ASIC2: variants seen among roughly 807,000 people sequenced by gnomAD.
ASIC2 encodes acid sensing ion channel subunit 2.
A neutral mutation model predicts 57.3 loss-of-function variants in ASIC2; 25 were observed. The observed-to-expected ratio is 0.44, with a 90% CI of 0.32 to 0.61. ASIC2 has a LOEUF of 0.61. Ranked by LOEUF, ASIC2 falls within the 20% of genes least tolerant of loss-of-function variation. The pLI, the probability that ASIC2 is intolerant of heterozygous loss-of-function variation, is 0.06. For synonymous variants in ASIC2, 319 were observed against 307.5 expected (o/e 1.04, Z -0.39); for missense variants, 641 against 738.1 (o/e 0.87, Z 1.52).
chr17:33,469,277 T>C (rs919362085), intron 1 of ASIC2, among the ~76,000 whole-genome samples: 6 of 152,066 alleles, frequency 3.9e-5, no homozygotes, highest in Admixed American at 3.9e-4. Context: ...TGTGTGGGCT[T>C]AGGCTAGGCG....
intron 1 of ASIC2, among the ~76,000 whole-genome samples, chr17:33,224,402 A>G (rs762804706): frequency 5.3e-5 from 8 of 152,232 alleles, no homozygotes; most frequent in Non-Finnish European, 1.2e-4. Context: ...AAGGTGGCAG[A>G]GAGGGGAGGA....
At chr17:33,732,917 C>T (rs1265609103) in intron 1 of ASIC2, among the ~76,000 whole-genome samples, 4 of 152,150 alleles carry the variant, frequency 2.6e-5, no homozygotes, top group Admixed American at 6.5e-5. Flanking sequence ...GGATTATAGG[C>T]GTGTGCCACC....
At chr17:33,309,823 C>G (rs1050593834) in intron 1 of ASIC2, among the ~76,000 whole-genome samples, 1 of 151,078 alleles carries the variant, frequency 6.6e-6, no homozygotes, top group African/African-American at 2.4e-5. Flanking sequence ...TTATTCTTGA[C>G]AGTAATCTTA....
At chr17:34,142,283 C>T (rs545031386) in intron 1 of ASIC2, among the ~76,000 whole-genome samples, 2 of 152,142 alleles carry the variant, frequency 1.3e-5, no homozygotes, top group Non-Finnish European at 2.9e-5. Flanking sequence ...TGCTATATCC[C>T]GTGAGGAAGG....
chr17:33,142,197 T>G (rs906514419), intron 1 of ASIC2, among the ~76,000 whole-genome samples: 1 of 152,176 alleles, frequency 6.6e-6, no homozygotes, highest in African/African-American at 2.4e-5. Context: ...AAGGTTTATC[T>G]TGGGAATGGG....
rs114205389 is a variant in ASIC2 at position 33,561,914 on chromosome 17, C to T, written c.556-449847G>A. 3.5e-3 allele frequency among the ~76,000 whole-genome samples: 531 copies of T among 152,312 alleles called. 5 individuals carry two copies. The highest frequency in any genetic ancestry group is 0.012 in the African/African-American group (499 of 41,566). ...ACCAAGGACTGTGTGCACAAGCATC[C>T]CTCTAGTGAGATCTTAAGATCTTGG... On this transcript the variant is annotated intron_variant, in intron 1 of 9. Transcript: ENST00000359872.
intron 1 of ASIC2, among the ~76,000 whole-genome samples, chr17:33,847,855 T>C (rs1913654421): frequency 6.6e-6 from 1 of 151,970 alleles, no homozygotes; most frequent in South Asian, 2.1e-4. Context: ...AGATCAAGTG[T>C]TAGGCAGGCA....
chr17:33,834,818 T>TA (rs1296012512), intron 1 of ASIC2, among the ~76,000 whole-genome samples: 2 of 152,154 alleles, frequency 1.3e-5, no homozygotes, highest in Non-Finnish European at 2.9e-5. Context: ...CCCAGAGGTG[T>TA]AAGAAGTTTC....
At chr17:34,012,569 T>C (rs911618800) in intron 1 of ASIC2, among the ~76,000 whole-genome samples, 1 of 152,192 alleles carries the variant, frequency 6.6e-6, no homozygotes, top group Non-Finnish European at 1.5e-5. Context: ...TGATGAGCCC[T>C]CTCAGCCTTT....
chr17:33,636,774 G>A (rs1906380835), intron 1 of ASIC2, among the ~76,000 whole-genome samples: 1 of 151,930 alleles, frequency 6.6e-6, no homozygotes, highest in South Asian at 2.1e-4. Context: ...ACACTTGCAT[G>A]GCAACACACC....
intron 1 of ASIC2, among the ~76,000 whole-genome samples, chr17:33,852,014 C>A (rs1021524107): frequency 1.3e-5 from 2 of 152,242 alleles, no homozygotes; most frequent in Non-Finnish European, 2.9e-5. Flanking sequence ...AGGGACCATT[C>A]CGTTCAGGCT....
chr17:33,856,633 C>T (rs1003675443), intron 1 of ASIC2, among the ~76,000 whole-genome samples: 2 of 54,618 alleles, frequency 3.7e-5, no homozygotes, highest in African/African-American at 9.3e-5. Flanking sequence ...GTTTCTACAC[C>T]GAGGGTTAGG....
chr17:33,177,296 G>A (rs775635028), intron 1 of ASIC2, among the ~76,000 whole-genome samples: 31 of 152,192 alleles, frequency 2.0e-4, no homozygotes, highest in Middle Eastern at 3.2e-3. Flanking sequence ...CCAGGAGCCC[G>A]AGATCCACCA....
intron 1 of ASIC2, among the ~76,000 whole-genome samples, chr17:33,350,623 A>C (rs1176834859): frequency 2.0e-5 from 3 of 150,864 alleles, no homozygotes; most frequent in Non-Finnish European, 4.4e-5. Flanking sequence ...CAGAGGTTGC[A>C]GTGAGCCAAG....
chr17:34,022,135 A>G (rs1406549786), intron 1 of ASIC2, among the ~76,000 whole-genome samples: 2 of 152,030 alleles, frequency 1.3e-5, no homozygotes, highest in African/African-American at 4.8e-5. Context: ...ACTCCAGGTG[A>G]TTTTTATGTG....
chr17:33,291,249 G>A, intron 1 of ASIC2, 159 bp downstream of exon 1: 1 of 1,396,366 alleles, frequency 7.2e-7, no homozygotes, highest in Non-Finnish European at 9.3e-7. Context: ...ACCTGCAGGA[G>A]AAGACTCAGG....
At chr17:33,631,911 T>G (rs1402076324) in intron 1 of ASIC2, among the ~76,000 whole-genome samples, 1 of 152,148 alleles carries the variant, frequency 6.6e-6, no homozygotes, top group Non-Finnish European at 1.5e-5. Context: ...GACCTTTAGG[T>G]CTCTTCCAAG....
At chr17:33,123,008 G>A (rs62069661) in intron 1 of ASIC2, among the ~76,000 whole-genome samples, 6,645 of 152,266 alleles carry the variant, frequency 0.044, 194 homozygotes, top group East Asian at 0.085. Flanking sequence ...TGGTGAAGAC[G>A]TAGAGAAAAG....
In ASIC2 at chr17:33,906,008, TA is replaced by T. The variant is rs142623675; in HGVS notation, c.555+249969del. Reference sequence around the variant, plus strand: ...GCCCAGCTAATATTTTAATTTTAATTAAATTTTTTTTTTTTTTTTTTGTAGA... The same window carrying T: ...GCCCAGCTAATATTTTAATTTTAATTAATTTTTTTTTTTTTTTTTTGTAGA... On this transcript the variant is annotated intron_variant, in intron 1 of 9. Transcript: ENST00000359872. Among the ~76,000 whole-genome samples the T allele has an allele frequency of 6.9e-5, 8 of 116,178 alleles. No homozygotes were observed. In the South Asian group the frequency reaches 2.7e-3, roughly 40 times the overall value. The allele number at this position is 116,178 out of a possible 152,430, so 76.2% of individuals were successfully genotyped here. A position where few individuals can be genotyped will look rare whatever the true frequency, so the allele number is the denominator to read the frequency against.
Sources: gnomAD v4.1 joint callset for allele counts (sites outside exome capture counted in the v4.1 genomes callset) on GRCh38, gnomAD v4.1.1 for gene constraint, MANE v1.5 for transcripts, NCBI Gene and HGNC (gene_info 2026-07-23, HGNC 2026-07-21) for gene names.